WDFY2: variants seen among roughly 807,000 people sequenced by gnomAD.
The protein encoded by WDFY2 is WD repeat and FYVE domain containing 2, also known as WD repeat and FYVE domain-containing protein 2.
In WDFY2, 36 loss-of-function variants were observed where a neutral mutation model predicts 56.4. The ratio of observed to expected loss-of-function variants is 0.64; its 90% CI spans 0.49 to 0.84. WDFY2 has a LOEUF of 0.84. Ranked by LOEUF, WDFY2 falls within the 40% of genes least tolerant of loss-of-function variation. The pLI, the probability that WDFY2 is intolerant of heterozygous loss-of-function variation, is 0.00. For missense variants in WDFY2, 444 were observed against 512.2 expected (o/e 0.87, Z 1.29); for synonymous variants, 176 against 183.7 (o/e 0.96, Z 0.34).
chr13:51,757,636 T>TAAA (rs879596530), intron 10 of WDFY2, among the ~76,000 whole-genome samples: 1 of 142,704 alleles, frequency 7.0e-6, no homozygotes, highest in Admixed American at 7.0e-5. Flanking sequence ...TCTTCTTACT[T>TAAA]AAAAAAAAAA....
Position 51,745,178 on chromosome 13 carries a change from T to C in WDFY2, c.725+6003T>C, listed in dbSNP as rs865862459. On this transcript the variant is annotated intron_variant, in intron 7 of 11. Transcript: ENST00000298125. ...AGAGTTACGAGTCTGTGCAACTAGA[T>C]TGATTTTTCTTGCCCTTGAGTGTCA... 2.6e-5 allele frequency among the ~76,000 whole-genome samples: 4 copies of C among 152,208 alleles called. No homozygotes were observed. The East Asian group carries it at 5.8e-4, about 22-fold the overall frequency.
At chr13:51,715,772 GT>G (rs1952331580) in intron 4 of WDFY2, among the ~76,000 whole-genome samples, 1 of 152,138 alleles carries the variant, frequency 6.6e-6, no homozygotes, top group South Asian at 2.1e-4. Flanking sequence ...CAGTGGGTTT[GT>G]TTTCACCAGC....
intron 4 of WDFY2, among the ~76,000 whole-genome samples, chr13:51,712,846 AC>A (rs1471628681): frequency 1.3e-5 from 2 of 152,182 alleles, no homozygotes; most frequent in Non-Finnish European, 2.9e-5. Context: ...AATATTATGA[AC>A]AACTTTATAC....
At chr13:51,710,579 C>T (rs1952190061) in intron 4 of WDFY2, among the ~76,000 whole-genome samples, 1 of 152,186 alleles carries the variant, frequency 6.6e-6, no homozygotes, top group Non-Finnish European at 1.5e-5. Context: ...TGATAAGCAA[C>T]TTCAGCAAAG....
At position 51,764,927 on chromosome 13, in the gene WDFY2, T is replaced by G. The variant is rs890452813; in HGVS notation, c.*5158T>G. ...CTGTGGCAGGAGAGGATTGTTCTAG[T>G]CAAGTGTGGCGTTGCACGGACAGGC... On this transcript the variant is annotated 3_prime_UTR_variant, in exon 12 of 12. Transcript: ENST00000298125. The G allele has an allele frequency of 1.3e-5, 2 of 151,904 alleles. No homozygotes were observed. The highest frequency in any genetic ancestry group is 4.8e-5 in the African/African-American group (2 of 41,300). 9.4% of individuals were successfully genotyped at this position (151,904 alleles called of 1,614,324 possible). A position where few individuals can be genotyped will look rare whatever the true frequency, so the allele number is the denominator to read the frequency against.
intron 1 of WDFY2, among the ~76,000 whole-genome samples, chr13:51,621,868 A>G (rs1279597155): frequency 6.6e-6 from 1 of 152,144 alleles, no homozygotes; most frequent in Non-Finnish European, 1.5e-5. Flanking sequence ...ATTATGAGAA[A>G]CAGTCCCTGT....
At chr13:51,628,630 G>A (rs975424461) in intron 1 of WDFY2, among the ~76,000 whole-genome samples, 6 of 152,180 alleles carry the variant, frequency 3.9e-5, no homozygotes, top group Non-Finnish European at 7.3e-5. Flanking sequence ...TGCTGCAGCC[G>A]GCCTCTTCCG....
At chr13:51,615,024 T>C (rs936042726) in intron 1 of WDFY2, among the ~76,000 whole-genome samples, 1 of 152,314 alleles carries the variant, frequency 6.6e-6, no homozygotes, top group Non-Finnish European at 1.5e-5. Context: ...AATTGTATCC[T>C]TTGTGGGTGT....
At chr13:51,627,915 G>A (rs1206038274) in intron 1 of WDFY2, among the ~76,000 whole-genome samples, 7 of 152,324 alleles carry the variant, frequency 4.6e-5, no homozygotes, top group African/African-American at 1.7e-4. Flanking sequence ...GCCGGAGTCT[G>A]CCTGAGTCCA....
chr13:51,604,493 A>G (rs1954348674), intron 1 of WDFY2, among the ~76,000 whole-genome samples: 1 of 152,208 alleles, frequency 6.6e-6, no homozygotes, highest in South Asian at 2.1e-4. Context: ...TAACTCCTGG[A>G]AGCCAAGTTC....
At chr13:51,584,914 G>GC in intron 1 of WDFY2, 90 bp downstream of exon 1, 1 of 1,544,980 alleles carries the variant, frequency 6.5e-7, no homozygotes, top group African/African-American at 1.4e-5. Context: ...TCACGTCGGC[G>GC]CGAGTGTAGA....
chr13:51,691,846 A>G (rs2138547228), intron 3 of WDFY2, among the ~76,000 whole-genome samples: 1 of 151,970 alleles, frequency 6.6e-6, no homozygotes, highest in South Asian at 2.1e-4. Flanking sequence ...ATGTTCTTCC[A>G]TTTGTTTGTG....
chr13:51,762,071 C>T lies in WDFY2; in HGVS notation c.*2302C>T, dbSNP rs1953600900. 2 of 152,204 alleles carry T rather than the reference C, an allele frequency of 1.3e-5. No homozygotes were observed. The highest frequency in any genetic ancestry group is 4.8e-5 in the African/African-American group (2 of 41,446). The allele number at this position is 152,204 out of a possible 1,614,324, so 9.4% of individuals were successfully genotyped here. A position where few individuals can be genotyped will look rare whatever the true frequency, so the allele number is the denominator to read the frequency against. On this transcript the variant is annotated 3_prime_UTR_variant, in exon 12 of 12. Coordinates refer to ENST00000298125, the MANE Select transcript of WDFY2 (RefSeq NM_052950.4). ...AGTTTATTACTAGAAGCTGCAGCCACTTACTAAGTTGTATGTAATATAGGA... is the reference window on the plus strand; with the variant it reads ...AGTTTATTACTAGAAGCTGCAGCCATTTACTAAGTTGTATGTAATATAGGA...
intron 7 of WDFY2, among the ~76,000 whole-genome samples, chr13:51,748,707 C>G (rs1274889514): frequency 6.6e-6 from 1 of 151,878 alleles, no homozygotes; most frequent in Non-Finnish European, 1.5e-5. Flanking sequence ...TGTCTGCTAG[C>G]TAGGCAGATT....
chr13:51,655,502 T>G lies in WDFY2; in HGVS notation c.138-5094T>G, dbSNP rs149036552. ...GCCGTATCACATTGATTGATTTCTC[T>G]TATATTGAACTACCCTTGCATTCCT... On this transcript the variant is annotated intron_variant, in intron 1 of 11. Transcript: ENST00000298125. Among the ~76,000 whole-genome samples the G allele has an allele frequency of 2.5e-3, 387 of 152,224 alleles. 3 individuals carry two copies. Among genetic ancestry groups the G allele is most frequent in the Non-Finnish European group, 4.4e-3 (300 of 67,976 alleles).
intron 11 of WDFY2, 142 bp downstream of exon 11, chr13:51,758,442 T>A: frequency 2.1e-6 from 1 of 486,196 alleles, no homozygotes; most frequent in Non-Finnish European, 3.7e-6. Flanking sequence ...TCCCAGCTAC[T>A]CAGGAGATTT....
intron 3 of WDFY2, among the ~76,000 whole-genome samples, chr13:51,685,601 G>A (rs1956048273): frequency 6.6e-6 from 1 of 152,168 alleles, no homozygotes; most frequent in Admixed American, 6.5e-5. Context: ...TTAGATGGAA[G>A]TGGATCATCA....
intron 3 of WDFY2, among the ~76,000 whole-genome samples, chr13:51,687,004 A>G (rs1242166271): frequency 6.6e-6 from 1 of 151,238 alleles, no homozygotes; most frequent in African/African-American, 2.4e-5. Context: ...TCTTTCTTTG[A>G]TGGCCTATCT....
At chr13:51,746,982 C>A (rs140938865) in intron 7 of WDFY2, among the ~76,000 whole-genome samples, 45 of 152,342 alleles carry the variant, frequency 3.0e-4, no homozygotes, top group African/African-American at 9.9e-4. Context: ...TGACTCAATC[C>A]GCTGGCACAG....
Sources: gnomAD v4.1 joint callset for allele counts (sites outside exome capture counted in the v4.1 genomes callset) on GRCh38, gnomAD v4.1.1 for gene constraint, MANE v1.5 for transcripts, NCBI Gene and HGNC (gene_info 2026-07-23, HGNC 2026-07-21) for gene names.